Variants in TAC1 observed in about 807,000 individuals in gnomAD.
TAC1 encodes the protein protachykinin-1.
Under a neutral mutation model 21.7 loss-of-function variants are expected in TAC1, and 12 were observed. The ratio of observed to expected loss-of-function variants is 0.55; its 90% CI spans 0.35 to 0.89. The LOEUF (loss-of-function observed/expected upper bound fraction) is 0.89. TAC1 is among the 40% of genes least tolerant of loss of function. The pLI is 0.01. For missense variants in TAC1, 128 were observed against 151.4 expected (o/e 0.85, Z 0.81); for synonymous variants, 52 against 52.0 (o/e 1.00, Z 0.00).
At chr7:97,735,791 T>C (rs1360397692) in intron 5 of TAC1, among the ~76,000 whole-genome samples, 1 of 152,126 alleles carries the variant, frequency 6.6e-6, no homozygotes, top group Non-Finnish European at 1.5e-5. Flanking sequence ...ATGTGAAAAC[T>C]AATAAACTTT....
At position 97,736,333 on chromosome 7, in the gene TAC1, C is replaced by CA; in HGVS notation, c.328dup (p.Arg110LysfsTer9). ...CAGATTCCTTTGTTGGACTAATGGG[C>CA]AAAAGAGCTTTAAATTCTGGTATGT... On this transcript the variant is annotated frameshift_variant, in exon 6 of 7. Coordinates refer to ENST00000319273, the MANE Select transcript of TAC1 (RefSeq NM_003182.3). LOFTEE classifies it high-confidence loss of function. 1 of 1,611,080 alleles carries CA rather than the reference C, an allele frequency of 6.2e-7. No individual in the cohort carries two copies. Among genetic ancestry groups the CA allele is most frequent in the Non-Finnish European group, 8.5e-7 (1 of 1,178,162 alleles).
chr7:97,739,733 G>T, intron 6 of TAC1, 141 bp from the exon 7 acceptor site: 1 of 552,528 alleles, frequency 1.8e-6, no homozygotes, highest in East Asian at 3.1e-5. Flanking sequence ...AAGATGTGCA[G>T]ATAACATTCT....
chr7:97,732,763 A>C lies in TAC1; in HGVS notation c.123+28A>C, dbSNP rs1584415300. 6.2e-7 allele frequency: 1 copy of C among 1,603,886 alleles called. No individual in the cohort carries two copies. ...GAGGCCCCTTCCCAGGACGGCCCGCACCCTTCTTCCTGGGCTCGGGAGCTG... is the reference window on the plus strand; with the variant it reads ...GAGGCCCCTTCCCAGGACGGCCCGCCCCCTTCTTCCTGGGCTCGGGAGCTG... On this transcript the variant is annotated intron_variant, in intron 2 of 6. Coordinates refer to ENST00000319273, the MANE Select transcript of TAC1 (RefSeq NM_003182.3). This position sits in a 1 kb window ranked among gnomAD's most constrained non-coding sequence, Gnocchi z 6.2.
chr7:97,733,619 C>G, intron 2 of TAC1, 104 bp from the exon 3 acceptor site: 2 of 1,129,144 alleles, frequency 1.8e-6, no homozygotes, highest in South Asian at 1.4e-5. Context: ...AAGGCCGCCT[C>G]CCCACGCCTC....
At chr7:97,734,160 C>G (rs67877395) in intron 3 of TAC1, 88 bp from the exon 4 acceptor site, 88,826 of 1,310,588 alleles carry the variant, frequency 0.068, 3,480 homozygotes, top group Middle Eastern at 0.098. Flanking sequence ...GGTGAGAGTA[C>G]ATTTGTCTTG....
At chr7:97,737,100 A>G (rs1789590574) in intron 6 of TAC1, among the ~76,000 whole-genome samples, 1 of 151,960 alleles carries the variant, frequency 6.6e-6, no homozygotes, top group Admixed American at 6.6e-5. Flanking sequence ...TCTGAAAACC[A>G]TTATTAGTTA....
chr7:97,740,085 A>C lies in TAC1; in HGVS notation c.*165A>C. 2.1e-6 allele frequency: 1 copy of C among 470,666 alleles called. No homozygotes were observed. Among genetic ancestry groups the C allele is most frequent in the Non-Finnish European group, 3.7e-6 (1 of 270,222 alleles). The allele number at this position is 470,666 out of a possible 1,614,324, so 29.2% of individuals were successfully genotyped here. A position where few individuals can be genotyped will look rare whatever the true frequency, so the allele number is the denominator to read the frequency against. On this transcript the variant is annotated 3_prime_UTR_variant, in exon 7 of 7. Transcript: ENST00000319273. Reference sequence around the variant, plus strand: ...CATATTGTGCCAATATGTATTGTAAACATGTGTTTTAATTCCAATATGATG... The same window carrying C: ...CATATTGTGCCAATATGTATTGTAACCATGTGTTTTAATTCCAATATGATG...
At chr7:97,739,776 A>T (rs1352538095) in intron 6 of TAC1, 98 bp from the exon 7 acceptor site, 4 of 737,638 alleles carry the variant, frequency 5.4e-6, no homozygotes, top group Admixed American at 3.1e-5. Context: ...AAATGTCATT[A>T]TGAGTTTAAA....
At position 97,732,658 on chromosome 7, in the gene TAC1, C is replaced by A; in HGVS notation, c.46C>A (p.Gln16Lys). The A allele has an allele frequency of 6.2e-7, 1 of 1,614,116 alleles. No homozygotes were observed. Residue 16 changes from glutamine to lysine, a missense_variant, in exon 2 of 7, where the codon CAG becomes AAG. Coordinates refer to ENST00000319273, the MANE Select transcript of TAC1 (RefSeq NM_003182.3). This position sits in a 1 kb window ranked among gnomAD's most constrained non-coding sequence, Gnocchi z 6.2. ...GGCAGTCTTTTTTCTTGTCTCCACT[C>A]AGCTGTTTGCAGAAGAAATAGGAGC... is the stretch of plus-strand genomic sequence containing the variant. ...ALAVFFLVST[Q>K]LFAEEIGAND...
rs1034509520 is a variant in TAC1, at chr7:97,740,004, ATTAT to A, written c.*92_*95del. 7.2e-5 allele frequency: 67 copies of A among 936,136 alleles called. No individual in the cohort carries two copies. The East Asian group carries it at 8.8e-4, about 12-fold the overall frequency. The allele number at this position is 936,136 out of a possible 1,614,324, so 58.0% of individuals were successfully genotyped here. The stretch of plus-strand genomic sequence containing the variant: ...ATTAAGACATGCACTATGAGGAATA[ATTAT>A]TTATTTAATAACAATTGTTTGGGGT... On this transcript the variant is annotated 3_prime_UTR_variant, in exon 7 of 7. Coordinates refer to ENST00000319273, the MANE Select transcript of TAC1 (RefSeq NM_003182.3).
At chr7:97,736,430 A>T in intron 6 of TAC1, 78 bp downstream of exon 6, 1 of 1,330,316 alleles carries the variant, frequency 7.5e-7, no homozygotes, top group Non-Finnish European at 1.1e-6. Flanking sequence ...GTTTTAAAAT[A>T]TTAAAAAGGA....
In TAC1 at chr7:97,732,714, G is replaced by A; in HGVS notation, c.102G>A (p.Trp34Ter). The A allele has an allele frequency of 3.7e-6, 6 of 1,613,942 alleles. No individual in the cohort carries two copies. Among genetic ancestry groups the A allele is most frequent in the Non-Finnish European group, 5.1e-6 (6 of 1,180,016 alleles). ...ATGATCTGAATTACTGGTCCGACTGGTACGACAGCGACCAGATCAAGGTGA... is the reference window on the plus strand; with the variant it reads ...ATGATCTGAATTACTGGTCCGACTGATACGACAGCGACCAGATCAAGGTGA... The part of the protein sequence containing the change: ...ANDDLNYWSD[W>*]YDSDQIKEEL... The change falls in exon 2 of 7, where the codon TGG (tryptophan) becomes TGA (stop). Residue 34 changes from tryptophan (W) to a stop codon, truncating the protein, a stop_gained. Transcript: ENST00000319273. LOFTEE classifies it high-confidence loss of function. This position sits in a 1 kb window ranked among gnomAD's most constrained non-coding sequence, Gnocchi z 6.2.
intron 4 of TAC1, 29 bp downstream of exon 4, chr7:97,734,321 C>G: frequency 1.3e-6 from 2 of 1,592,988 alleles, no homozygotes; most frequent in Non-Finnish European, 1.7e-6. Flanking sequence ...CTTTATTTTA[C>G]TATTGTGAAA....
At chr7:97,734,376 C>T (rs1266081102) in intron 4 of TAC1, 84 bp downstream of exon 4, 1 of 1,237,940 alleles carries the variant, frequency 8.1e-7, no homozygotes, top group East Asian at 2.4e-5. Context: ...GGCTGAAATA[C>T]AAGATCTGGG....
At position 97,732,622 on chromosome 7, in the gene TAC1, C is replaced by T; in HGVS notation, c.10C>T (p.Leu4Phe). MKI[L>F]VALAVFFLVS... The stretch of plus-strand genomic sequence containing the variant: ...TTCCCAGAAATCCAACATGAAAATC[C>T]TCGTGGCCTTGGCAGTCTTTTTTCT... Residue 4 changes from leucine to phenylalanine, a missense_variant, in exon 2 of 7, where the codon CTC (leucine) becomes TTC (phenylalanine). Transcript: ENST00000319273. This position sits in a 1 kb window ranked among gnomAD's most constrained non-coding sequence, Gnocchi z 6.2. 1.2e-6 allele frequency: 2 copies of T among 1,614,124 alleles called. No individual in the cohort carries two copies. The highest frequency in any genetic ancestry group is 2.2e-5 in the East Asian group (1 of 44,872).
intron 4 of TAC1, among the ~76,000 whole-genome samples, 189 bp downstream of exon 4, chr7:97,734,481 C>T (rs1374406875): frequency 1.3e-5 from 2 of 151,728 alleles, no homozygotes; most frequent in African/African-American, 2.4e-5. Context: ...CTGTCACTCT[C>T]TCTCAGTCTC....
chr7:97,735,522 C>T (rs1248795514), intron 5 of TAC1, among the ~76,000 whole-genome samples: 1 of 152,206 alleles, frequency 6.6e-6, no homozygotes, highest in East Asian at 1.9e-4. Flanking sequence ...CTATCTTCAT[C>T]GTATTGTCCA....
intron 5 of TAC1, among the ~76,000 whole-genome samples, chr7:97,735,308 A>G (rs1584417254): frequency 1.3e-5 from 2 of 152,222 alleles, no homozygotes; most frequent in Non-Finnish European, 1.5e-5. Context: ...AATTAAATGG[A>G]ATGAGTGAGT....
chr7:97,738,067 G>C (rs996935072), intron 6 of TAC1, among the ~76,000 whole-genome samples: 2 of 151,870 alleles, frequency 1.3e-5, no homozygotes, highest in Admixed American at 1.3e-4. Context: ...TAGTGAATCA[G>C]GATCAATTTA....
Sources: allele counts gnomAD v4.1 joint callset (sites outside exome capture counted in the v4.1 genomes callset), GRCh38; gene constraint gnomAD v4.1.1; non-coding constraint Gnocchi (gnomAD v3.1); transcripts MANE v1.5; gene names NCBI Gene and HGNC (gene_info 2026-07-23, HGNC 2026-07-21).